HUNK: variants seen among roughly 807,000 people sequenced by gnomAD.
HUNK encodes hormonally up-regulated Neu-associated kinase.
Under a neutral mutation model 61.0 loss-of-function variants are expected in HUNK, and 21 were observed. The observed-to-expected ratio is 0.34, with a 90% CI of 0.24 to 0.50. The LOEUF (loss-of-function observed/expected upper bound fraction) is 0.50. Ranked by LOEUF, HUNK falls within the 20% of genes least tolerant of loss-of-function variation. The probability of loss-of-function intolerance (pLI) is 0.98; values close to 1 mark genes in which losing one functional copy is unlikely to be tolerated. For missense variants in HUNK, 772 were observed against 945.7 expected (o/e 0.82, Z 2.41); for synonymous variants, 371 against 386.1 (o/e 0.96, Z 0.46).
At chr21:31,932,695 A>G (rs892312285) in intron 2 of HUNK, among the ~76,000 whole-genome samples, 6 of 151,928 alleles carry the variant, frequency 3.9e-5, no homozygotes, top group Admixed American at 6.6e-5. Context: ...TCTTCCTGGA[A>G]CTGCCTAATG....
chr21:31,918,696 C>T (rs190352146), intron 1 of HUNK, among the ~76,000 whole-genome samples: 277 of 152,316 alleles, frequency 1.8e-3, no homozygotes, highest in Middle Eastern at 6.8e-3. Context: ...TCCATCTGAT[C>T]CCCTCCGTCT....
chr21:31,997,813 C>T (rs936201139), intron 10 of HUNK, among the ~76,000 whole-genome samples: 2 of 152,196 alleles, frequency 1.3e-5, no homozygotes, highest in Non-Finnish European at 2.9e-5. Flanking sequence ...GGCAGGAATT[C>T]AGTCAAGGGA....
chr21:31,924,355 G>T lies in HUNK; in HGVS notation c.262-113G>T. The T allele has an allele frequency of 1.2e-6, 1 of 859,296 alleles. No individual in the cohort carries two copies. 53.2% of individuals were successfully genotyped at this position (859,296 alleles called of 1,614,324 possible). A position where few individuals can be genotyped will look rare whatever the true frequency, so the allele number is the denominator to read the frequency against. ...CTGTTGATGCTGTTTTAGGTAAGGT[G>T]TTTCTCCTCTGCAGAGACATAGCTA... On this transcript the variant is annotated intron_variant, in intron 1 of 10. Transcript: ENST00000270112. This position sits in a 1 kb window ranked among gnomAD's most constrained non-coding sequence, Gnocchi z 5.1.
intron 7 of HUNK, among the ~76,000 whole-genome samples, chr21:31,977,384 TA>T (rs1341556091): frequency 3.9e-5 from 6 of 152,326 alleles, no homozygotes; most frequent in African/African-American, 1.4e-4. Flanking sequence ...GTTCAAAACT[TA>T]GTTATTCAAA....
chr21:31,961,323 C>T (rs375189291), intron 5 of HUNK, among the ~76,000 whole-genome samples: 15 of 151,976 alleles, frequency 9.9e-5, no homozygotes, highest in African/African-American at 2.7e-4. Context: ...GAGTTGTTTC[C>T]AGTTTGGGGC....
At chr21:31,876,761 G>T (rs8133452) in intron 1 of HUNK, among the ~76,000 whole-genome samples, 22,333 of 152,098 alleles carry the variant, frequency 0.15, 1,852 homozygotes, top group East Asian at 0.39. Flanking sequence ...TTTTCTTGGG[G>T]TGTGTACATT....
chr21:31,997,303 T>A (rs1351353585), intron 10 of HUNK, among the ~76,000 whole-genome samples: 1 of 152,178 alleles, frequency 6.6e-6, no homozygotes, highest in East Asian at 1.9e-4. Flanking sequence ...ACAGAAACCA[T>A]GGGGATCTGG....
chr21:31,942,127 T>G (rs2052772957), intron 3 of HUNK, among the ~76,000 whole-genome samples: 1 of 152,204 alleles, frequency 6.6e-6, no homozygotes, highest in Non-Finnish European at 1.5e-5. Context: ...GGAGAATCGC[T>G]TGAACCTGGG....
intron 2 of HUNK, among the ~76,000 whole-genome samples, chr21:31,927,425 C>T (rs1471107951): frequency 1.3e-5 from 2 of 151,966 alleles, no homozygotes; most frequent in African/African-American, 2.4e-5. Context: ...AGGCAGATCA[C>T]GAGGTCAGGA....
In HUNK at chr21:31,924,286, T is replaced by TGTGTGTGTGTGTGTG. The variant is rs367852433; in HGVS notation, c.262-182_262-181insGTGTGTGTGTGTGTG. 7.2e-6 allele frequency among the ~76,000 whole-genome samples: 1 copy of TGTGTGTGTGTGTGTG among 138,272 alleles called. No homozygotes were observed. Among genetic ancestry groups the TGTGTGTGTGTGTGTG allele is most frequent in the African/African-American group, 2.7e-5 (1 of 37,142 alleles). The allele number at this position is 138,272 out of a possible 152,430, so 90.7% of individuals were successfully genotyped here. The stretch of plus-strand genomic sequence containing the variant: ...CCTATATGTGTGTGTGTGTGTGTGT[T>TGTGTGTGTGTGTGTG]TGTGTGGTATATGCATAAATATAAA... On this transcript the variant is annotated intron_variant, in intron 1 of 10. Transcript: ENST00000270112. This position sits in a 1 kb window ranked among gnomAD's most constrained non-coding sequence, Gnocchi z 5.1.
chr21:31,966,965 C>T (rs968786028), intron 5 of HUNK, among the ~76,000 whole-genome samples: 10 of 152,150 alleles, frequency 6.6e-5, no homozygotes, highest in African/African-American at 2.4e-4. Flanking sequence ...GCAAGACAGA[C>T]CGTCTGCATT....
chr21:31,891,487 G>A (rs894480681), intron 1 of HUNK, among the ~76,000 whole-genome samples: 10 of 152,256 alleles, frequency 6.6e-5, no homozygotes, highest in Non-Finnish European at 1.3e-4. Flanking sequence ...ACTGGTACAA[G>A]AGCAGGTTAC....
At chr21:31,985,768 A>G (rs2123246635) in intron 8 of HUNK, among the ~76,000 whole-genome samples, 1 of 152,278 alleles carries the variant, frequency 6.6e-6, no homozygotes, top group Non-Finnish European at 1.5e-5. Flanking sequence ...TGAAGTGCCA[A>G]AGGCAGAAGA....
At chr21:31,904,796 TA>T (rs1255286712) in intron 1 of HUNK, among the ~76,000 whole-genome samples, 11 of 152,326 alleles carry the variant, frequency 7.2e-5, no homozygotes, top group Non-Finnish European at 1.3e-4. Flanking sequence ...AGATAGTCTT[TA>T]AACAGATAGT....
intron 1 of HUNK, among the ~76,000 whole-genome samples, chr21:31,892,145 G>T (rs2052391528): frequency 1.0e-5 from 1 of 96,360 alleles, no homozygotes; most frequent in African/African-American, 4.1e-5. Context: ...ATGAGAATTT[G>T]GTTAAAAAAA....
chr21:31,904,940 C>T (rs189364146), intron 1 of HUNK, among the ~76,000 whole-genome samples: 40 of 152,004 alleles, frequency 2.6e-4, no homozygotes, highest in African/African-American at 9.2e-4. Context: ...GTAGCCAGCA[C>T]GGTGGTGCAC....
At chr21:31,911,073 C>A (rs538025125) in intron 1 of HUNK, among the ~76,000 whole-genome samples, 1 of 152,178 alleles carries the variant, frequency 6.6e-6, no homozygotes, top group East Asian at 1.9e-4. Context: ...GGGGAGGACA[C>A]GACTTAGCCC....
In HUNK at chr21:31,917,175, G is replaced by A. The variant is rs980283124; in HGVS notation, c.262-7293G>A. ...AGGGAAGGAGGAGGGTGGAGTTACCGTGTTGTGAGAAATGCTTTCTGTTTT... is the reference window on the plus strand; with the variant it reads ...AGGGAAGGAGGAGGGTGGAGTTACCATGTTGTGAGAAATGCTTTCTGTTTT... On this transcript the variant is annotated intron_variant, in intron 1 of 10. Transcript: ENST00000270112. Among the ~76,000 whole-genome samples the A allele has an allele frequency of 5.3e-5, 8 of 152,178 alleles. No individual in the cohort carries two copies. In the East Asian group the frequency reaches 1.2e-3, roughly 22 times the overall value.
At chr21:31,909,425 G>T (rs377018450) in intron 1 of HUNK, among the ~76,000 whole-genome samples, 2 of 152,180 alleles carry the variant, frequency 1.3e-5, no homozygotes, top group East Asian at 1.9e-4. Flanking sequence ...GGGTTTCCCA[G>T]CCCTGCGTTG....
Sources: allele counts gnomAD v4.1 joint callset (sites outside exome capture counted in the v4.1 genomes callset), GRCh38; gene constraint gnomAD v4.1.1; non-coding constraint Gnocchi (gnomAD v3.1); transcripts MANE v1.5; gene names NCBI Gene and HGNC (gene_info 2026-07-23, HGNC 2026-07-21).